Variants in DOCK6 observed in about 807,000 individuals in gnomAD.
DOCK6 encodes dedicator of cytokinesis 6.
A neutral mutation model predicts 230.3 loss-of-function variants in DOCK6; 167 were observed. The observed-to-expected ratio is 0.73, with a 90% CI of 0.64 to 0.82. The LOEUF is 0.82. DOCK6 is among the 40% of genes least tolerant of loss of function. DOCK6 has a pLI of 0.00. For missense variants in DOCK6, 2,598 were observed against 2,825.8 expected (o/e 0.92, Z 1.83); for synonymous variants, 1,148 against 1,185.0 (o/e 0.97, Z 0.64).
At chr19:11,260,687 A>G (rs925743094) in intron 1 of DOCK6, among the ~76,000 whole-genome samples, 1 of 151,672 alleles carries the variant, frequency 6.6e-6, no homozygotes, top group Non-Finnish European at 1.5e-5. Context: ...GTTCGTGACC[A>G]GCCTGGTCAA....
chr19:11,224,886 A>T (rs1329731659), intron 24 of DOCK6, among the ~76,000 whole-genome samples: 1 of 151,920 alleles, frequency 6.6e-6, no homozygotes, highest in Admixed American at 6.6e-5. Flanking sequence ...AATATGGTGA[A>T]ACCCCATCTC....
At position 11,204,314 on chromosome 19, in the gene DOCK6, C is replaced by G. The variant is rs375692275; in HGVS notation, c.5106G>C (p.Ala1702=). The part of the protein sequence containing the change: ...GYFTMGGLYE[A]VNEVYKNLIP... ...TGAGGTTCTTGTAGACCTCATTCAC[C>G]GCCTCGTAGAGCCCGCCCTGAGGGT... is the stretch of plus-strand genomic sequence containing the variant. The change falls in exon 40 of 48, where the codon GCG becomes GCC. Residue 1702 remains alanine, a synonymous_variant. Transcript: ENST00000294618. 3 of 1,611,534 alleles carry G rather than the reference C, an allele frequency of 1.9e-6. No homozygotes were observed. The highest frequency in any genetic ancestry group is 1.7e-5 in the Admixed American group (1 of 59,784).
chr19:11,247,938 A>C (rs925286845), intron 7 of DOCK6, 128 bp downstream of exon 7: 8 of 760,478 alleles, frequency 1.1e-5, no homozygotes, highest in Middle Eastern at 4.9e-4. Context: ...ATAAAAGCCC[A>C]TACATAGGTG....
At chr19:11,251,917 G>GA in intron 5 of DOCK6, 1 of 697,998 alleles carries the variant, frequency 1.4e-6, no homozygotes, top group Non-Finnish European at 2.3e-6. Flanking sequence ...GAAAGCAGAG[G>GA]ACACATATGA....
chr19:11,257,482 T>TAA (rs35933920), intron 1 of DOCK6, among the ~76,000 whole-genome samples: 42,126 of 78,380 alleles, frequency 0.54, 12,571 homozygotes, highest in South Asian at 0.65. Context: ...CACTGTCTCT[T>TAA]AAAAAAAAAA....
In DOCK6 at chr19:11,217,395, G is replaced by A; in HGVS notation, c.3551-4C>T. On this transcript the variant is annotated splice_region_variant and splice_polypyrimidine_tract_variant and intron_variant, in intron 28 of 47. Coordinates refer to ENST00000294618, the MANE Select transcript of DOCK6 (RefSeq NM_020812.4). ...CTTGACCGCTGACCTGGGCCCTCTGGCAGGGAAAGACAGAGGGAAAGAAAG... is the reference window on the plus strand; with the variant it reads ...CTTGACCGCTGACCTGGGCCCTCTGACAGGGAAAGACAGAGGGAAAGAAAG... 3 of 1,612,066 alleles carry A rather than the reference G, an allele frequency of 1.9e-6. No homozygotes were observed. The highest frequency in any genetic ancestry group is 2.5e-6 in the Non-Finnish European group (3 of 1,179,186).
chr19:11,228,011 CTTTTTT>C (rs886573859), intron 23 of DOCK6, among the ~76,000 whole-genome samples: 1 of 134,858 alleles, frequency 7.4e-6, no homozygotes, highest in Non-Finnish European at 1.6e-5. Context: ...AGCTTTCCCT[CTTTTTT>C]TTTTTTTTTT....
chr19:11,223,828 G>T lies in DOCK6; in HGVS notation c.2956-722C>A, dbSNP rs867928026. 1.5e-4 allele frequency among the ~76,000 whole-genome samples: 23 copies of T among 152,078 alleles called. No homozygotes were observed. In the South Asian group the frequency reaches 3.5e-3, roughly 23 times the overall value. On this transcript the variant is annotated intron_variant, in intron 24 of 47. Transcript: ENST00000294618. ...CGCCTAGCTAATTTTTTTATTTTTA[G>T]TAGAGATGGGGTTTTGCCATATTGG...
chr19:11,222,023 A>G lies in DOCK6; in HGVS notation c.3381-3T>C, dbSNP rs2079587874. The G allele has an allele frequency of 6.2e-7, 1 of 1,609,758 alleles. No individual in the cohort carries two copies. The highest frequency in any genetic ancestry group is 8.5e-7 in the Non-Finnish European group (1 of 1,176,528). ...CCTTCTTGTGCAACAGGAATGCCCT[A>G]TGGGGTAATGAGGTGCTCAGGACAG... is the stretch of plus-strand genomic sequence containing the variant. On this transcript the variant is annotated splice_polypyrimidine_tract_variant and splice_region_variant and intron_variant, in intron 27 of 47. Coordinates refer to ENST00000294618, the MANE Select transcript of DOCK6 (RefSeq NM_020812.4). The surrounding 1 kb of genome is among the most constrained non-coding windows in gnomAD (Gnocchi z 4.0).
intron 1 of DOCK6, among the ~76,000 whole-genome samples, chr19:11,256,654 T>G (rs1050722308): frequency 1.3e-5 from 2 of 152,170 alleles, no homozygotes; most frequent in African/African-American, 4.8e-5. Context: ...TGACCCTGGT[T>G]TTTTGTTTTC....
chr19:11,216,927 G>T lies in DOCK6; in HGVS notation c.3881C>A (p.Ala1294Asp). The change falls in exon 30 of 48, where the codon GCC becomes GAC. Residue 1294 changes from alanine (A) to aspartate (D), a missense_variant. Transcript: ENST00000294618. ...ACGCCCTCAAACCTTGTACTCAAAG[G>T]CAGCTAGGCAAAGGTACAGCAAATC... ...LLDLLYLCLA[A>D]FEYKGKKAFE... 1 of 1,613,696 alleles carries T rather than the reference G, an allele frequency of 6.2e-7. No homozygotes were observed. The highest frequency in any genetic ancestry group is 8.5e-7 in the Non-Finnish European group (1 of 1,179,864).
chr19:11,255,831 C>G (rs911254899), intron 1 of DOCK6, among the ~76,000 whole-genome samples: 5 of 151,986 alleles, frequency 3.3e-5, no homozygotes, highest in Admixed American at 2.0e-4. Flanking sequence ...CTGTTGCCCA[C>G]GCTGGAGTGC....
Position 11,235,869 on chromosome 19 carries a change from G to T in DOCK6, c.2393-110C>A, listed in dbSNP as rs113991213. ...TTGAGGGATCATGTGCTCATTAAGG[G>T]GTCACAAATTTTTTTTTTTTTTTTT... is the stretch of plus-strand genomic sequence containing the variant. On this transcript the variant is annotated intron_variant, in intron 20 of 47. Transcript: ENST00000294618. The T allele has an allele frequency of 3.7e-5, 50 of 1,368,032 alleles. No individual in the cohort carries two copies. The African/African-American group carries it at 5.8e-4, about 16-fold the overall frequency. 84.7% of individuals were successfully genotyped at this position (1,368,032 alleles called of 1,614,324 possible).
At position 11,252,909 on chromosome 19, in the gene DOCK6, A is replaced by T. The variant is rs1449681028; in HGVS notation, c.182T>A (p.Leu61Gln). 1.4e-5 allele frequency: 23 copies of T among 1,613,266 alleles called. No homozygotes were observed. The highest frequency in any genetic ancestry group is 1.9e-5 in the Non-Finnish European group (22 of 1,179,630). ...VEPLDFEDVL[L>Q]SRPPDAEPGP... is the part of the protein sequence containing the mutation. ...GGGCTCAGCATCTGGTGGCCGGCTC[A>T]GAAGTACATCCTCAAAGTCCAGGGG... The change falls in exon 3 of 48, where the codon CTG (leucine) becomes CAG (glutamine). Residue 61 changes from leucine to glutamine, a missense_variant. Transcript: ENST00000294618.
Position 11,252,027 on chromosome 19 carries a change from G to A in DOCK6, c.507+92C>T, listed in dbSNP as rs2080124014. 15 of 1,537,756 alleles carry A rather than the reference G, an allele frequency of 9.8e-6. No homozygotes were observed. The Admixed American group carries it at 1.8e-4, about 18-fold the overall frequency. Reference sequence around the variant, plus strand: ...TGCAATTCCTTTTGAGCTCAAGGCTGTTTGGGTCATTTCCTGTCACATGTG... The same window carrying A: ...TGCAATTCCTTTTGAGCTCAAGGCTATTTGGGTCATTTCCTGTCACATGTG... On this transcript the variant is annotated intron_variant, in intron 5 of 47. Coordinates refer to ENST00000294618, the MANE Select transcript of DOCK6 (RefSeq NM_020812.4).
intron 24 of DOCK6, among the ~76,000 whole-genome samples, chr19:11,225,168 C>T (rs749382361): frequency 4.6e-5 from 7 of 152,182 alleles, no homozygotes; most frequent in Admixed American, 6.5e-5. Flanking sequence ...GCGGAGGTTG[C>T]GGTGAGCCGA....
chr19:11,254,025 TC>T (rs1370286713), intron 1 of DOCK6: 1 of 305,252 alleles, frequency 3.3e-6, no homozygotes, highest in Non-Finnish European at 6.0e-6. Context: ...GGCCCACGGG[TC>T]CCTGGCCTCT....
chr19:11,237,867 G>A, intron 16 of DOCK6, 88 bp from the exon 17 acceptor site: 1 of 1,456,000 alleles, frequency 6.9e-7, no homozygotes. Flanking sequence ...CCTTATTGCT[G>A]CTAGGCCCCA....
At position 11,201,632 on chromosome 19, in the gene DOCK6, C is replaced by T. The variant is rs1477156740; in HGVS notation, c.5688+257G>A. On this transcript the variant is annotated intron_variant, in intron 44 of 47. Transcript: ENST00000294618. This position sits in a 1 kb window ranked among gnomAD's most constrained non-coding sequence, Gnocchi z 4.3. ...TCCTAGATCTGGGCTCCCTCTGCCT[C>T]CTCTTTCTGGGTCTGGAATCCCTGG... Among the ~76,000 whole-genome samples, 2 of 151,994 alleles carry T rather than the reference C, an allele frequency of 1.3e-5. No individual in the cohort carries two copies. Among genetic ancestry groups the T allele is most frequent in the African/African-American group, 4.8e-5 (2 of 41,384 alleles).
Sources: allele counts gnomAD v4.1 joint callset (sites outside exome capture counted in the v4.1 genomes callset), GRCh38; gene constraint gnomAD v4.1.1; non-coding constraint Gnocchi (gnomAD v3.1); transcripts MANE v1.5; gene names NCBI Gene and HGNC (gene_info 2026-07-23, HGNC 2026-07-21).